ALS2: variants seen among roughly 807,000 people sequenced by gnomAD.
The protein encoded by ALS2 is alsin.
Under a neutral mutation model 203.4 loss-of-function variants are expected in ALS2, and 117 were observed. That is an observed-to-expected ratio of 0.58 (90% CI 0.50 to 0.67). The LOEUF is 0.67. Ranked by LOEUF, ALS2 falls within the 30% of genes least tolerant of loss-of-function variation. The probability of loss-of-function intolerance (pLI) is 0.00; values close to 1 mark genes in which losing one functional copy is unlikely to be tolerated. For synonymous variants in ALS2, 718 were observed against 725.9 expected (o/e 0.99, Z 0.17); for missense variants, 1,715 against 1,989.4 (o/e 0.86, Z 2.62).
intron 8 of ALS2, among the ~76,000 whole-genome samples, chr2:201,747,671 G>A (rs1349755035): frequency 3.9e-5 from 6 of 151,932 alleles, no homozygotes; most frequent in South Asian, 2.1e-4. Flanking sequence ...GGATGGTCTC[G>A]GTCTCCTGAC....
intron 27 of ALS2, among the ~76,000 whole-genome samples, chr2:201,708,877 T>C (rs1020703131): frequency 3.4e-5 from 1 of 29,352 alleles, no homozygotes; most frequent in Non-Finnish European, 9.5e-5. Flanking sequence ...AATTGTATAG[T>C]TGAAAAAAAC....
intron 5 of ALS2, 99 bp from the exon 6 acceptor site, chr2:201,754,770 C>A: frequency 7.6e-7 from 1 of 1,317,102 alleles, no homozygotes; most frequent in South Asian, 1.3e-5. Flanking sequence ...CATACGCCAC[C>A]AATGGTATTT....
intron 10 of ALS2, among the ~76,000 whole-genome samples, chr2:201,744,032 T>C (rs1171099334): frequency 6.6e-6 from 1 of 152,174 alleles, no homozygotes; most frequent in Non-Finnish European, 1.5e-5. Flanking sequence ...TTTCTACTTC[T>C]GGAAGCCGCA....
chr2:201,723,233 C>A, intron 22 of ALS2, 97 bp downstream of exon 22: 1 of 1,391,292 alleles, frequency 7.2e-7, no homozygotes, highest in Non-Finnish European at 1.0e-6. Flanking sequence ...GAAAATAGTA[C>A]TAAGAAGGTG....
chr2:201,757,784 T>C (rs368959375), intron 4 of ALS2, 25 bp from the exon 5 acceptor site: 54 of 1,507,834 alleles, frequency 3.6e-5, no homozygotes, highest in Non-Finnish European at 4.7e-5. Context: ...CATAAAAAAT[T>C]ATATAAAAAT....
At chr2:201,707,822 C>T in intron 28 of ALS2, 47 bp downstream of exon 28, 1 of 1,603,824 alleles carries the variant, frequency 6.2e-7, no homozygotes, top group Non-Finnish European at 8.5e-7. Flanking sequence ...GTAAGATCAT[C>T]TAGTCACCAT....
intron 12 of ALS2, among the ~76,000 whole-genome samples, chr2:201,738,306 T>C: frequency 6.6e-6 from 1 of 152,184 alleles, no homozygotes; most frequent in Non-Finnish European, 1.5e-5. Context: ...GCGCAAACAC[T>C]TTTTTCTGTG....
chr2:201,758,944 TA>T (rs1693582559), intron 4 of ALS2, among the ~76,000 whole-genome samples: 1 of 152,160 alleles, frequency 6.6e-6, no homozygotes. Flanking sequence ...AAATAGTCAA[TA>T]AACAAATATA....
intron 8 of ALS2, among the ~76,000 whole-genome samples, chr2:201,749,421 C>G (rs1168949786): frequency 6.6e-6 from 1 of 151,900 alleles, no homozygotes; most frequent in Non-Finnish European, 1.5e-5. Context: ...CAGCAGAGTC[C>G]TAGAAACATG....
intron 29 of ALS2, 128 bp from the exon 30 acceptor site, chr2:201,705,589 G>A: frequency 4.3e-6 from 3 of 704,110 alleles, no homozygotes; most frequent in Non-Finnish European, 7.4e-6. Context: ...AATAGGTTAA[G>A]TTTTTATAAA....
chr2:201,723,016 G>GAAAAAAAAAAAAAAA, intron 23 of ALS2, 27 bp downstream of exon 23: 1 of 1,499,170 alleles, frequency 6.7e-7, no homozygotes, highest in South Asian at 1.2e-5. Flanking sequence ...TTATTAGGGA[G>GAAAAAAAAAAAAAAA]AAAAAAAAAG....
At position 201,705,423 on chromosome 2, in the gene ALS2, C is replaced by T. The variant is rs749650974; in HGVS notation, c.4619G>A (p.Ser1540Asn). Residue 1540 changes from serine to asparagine, a missense_variant, in exon 30 of 34, where the codon AGT (serine) becomes AAT (asparagine). Ser to Asn is a conservative substitution (Grantham distance 46). This residue lies in a region of ALS2 where 1,227 missense variants were observed against 1,413.5 expected (regional missense o/e 0.87). Transcript: ENST00000264276. ...AAAGAAAATCTACTATACCTTTTTACTCTCTCCAAGGATTGACAAGGTTGC... is the reference window on the plus strand; with the variant it reads ...AAAGAAAATCTACTATACCTTTTTATTCTCTCCAAGGATTGACAAGGTTGC... ...WPATLSILGE[S>N]KKVLPTTKDA... 2 of 1,613,566 alleles carry T rather than the reference C, an allele frequency of 1.2e-6. No individual in the cohort carries two copies. The highest frequency in any genetic ancestry group is 3.3e-5 in the Admixed American group (2 of 60,018).
rs980968700 is a variant in ALS2, at chr2:201,700,662, G to A, written c.*1189C>T. 6.6e-6 allele frequency: 1 copy of A among 152,618 alleles called. No individual in the cohort carries two copies. The allele number at this position is 152,618 out of a possible 1,614,324, so 9.5% of individuals were successfully genotyped here. On this transcript the variant is annotated 3_prime_UTR_variant, in exon 34 of 34. Transcript: ENST00000264276. The stretch of plus-strand genomic sequence containing the variant: ...GATTATAAAGTAGAGCAAAAACCAT[G>A]ATCCTTTTTCAAAAGTAATTAACAT...
In ALS2 at chr2:201,749,751, C is replaced by T. The variant is rs1471811721; in HGVS notation, c.1776G>A (p.Gly592=). 1.2e-6 allele frequency: 2 copies of T among 1,614,000 alleles called. No homozygotes were observed. The highest frequency in any genetic ancestry group is 2.2e-5 in the East Asian group (1 of 44,858). ...GAACTGTTGTTGGAAAATCGGAATG[C>T]CCAAGTTGACCAAAGGTATTGCTAC... The part of the protein sequence containing the change: ...SWGSNTFGQL[G]HSDFPTTVPR... Residue 592 remains glycine (G), a synonymous_variant, in exon 8 of 34, where the codon GGG becomes GGA. Transcript: ENST00000264276.
rs762944618 is a variant in ALS2 at position 201,706,845 on chromosome 2, C to G, written c.4580+1G>C. 6.2e-7 allele frequency: 1 copy of G among 1,613,978 alleles called. No homozygotes were observed. Among genetic ancestry groups the G allele is most frequent in the Non-Finnish European group, 8.5e-7 (1 of 1,179,928 alleles). On this transcript the variant is annotated splice_donor_variant, in intron 29 of 33. Coordinates refer to ENST00000264276, the MANE Select transcript of ALS2 (RefSeq NM_020919.4). LOFTEE classifies it high-confidence loss of function. ...GTTGCGCTTGTAACTACTACACTTA[C>G]CTCTGCACCCCAAGAAAGCCCAGGA... is the stretch of plus-strand genomic sequence containing the variant.
At chr2:201,778,610 C>T (rs1458106688) in intron 1 of ALS2, 1 of 152,138 alleles carries the variant, frequency 6.6e-6, no homozygotes, top group African/African-American at 2.4e-5. Context: ...CTAACATTTT[C>T]TTAAGGACTG....
rs77292123 is a variant in ALS2 at position 201,723,607 on chromosome 2, T to C, written c.3513-166A>G. ...TCTCCTCAAATATGGGACAAAGTGA[T>C]AGCAAAAGACATCTCACTCAGTAAT... On this transcript the variant is annotated intron_variant, in intron 21 of 33. Transcript: ENST00000264276. 0.085 allele frequency among the ~76,000 whole-genome samples: 13,017 copies of C among 152,276 alleles called. 628 individuals are homozygous for C. Among genetic ancestry groups the C allele is most frequent in the Middle Eastern group, 0.12 (35 of 294 alleles).
intron 12 of ALS2, among the ~76,000 whole-genome samples, chr2:201,736,917 T>TA (rs1327411862): frequency 2.0e-5 from 3 of 152,082 alleles, no homozygotes; most frequent in Admixed American, 2.0e-4. Context: ...ATTAAATCAG[T>TA]AAAAACTCCC....
chr2:201,744,635 G>C (rs1465175981), intron 9 of ALS2, among the ~76,000 whole-genome samples: 2 of 151,964 alleles, frequency 1.3e-5, no homozygotes, highest in Non-Finnish European at 2.9e-5. Context: ...TTTTTGGGGG[G>C]GTCGTCGGGG....
Sources: allele counts gnomAD v4.1 joint callset (sites outside exome capture counted in the v4.1 genomes callset), GRCh38; gene constraint gnomAD v4.1.1; regional missense constraint gnomAD v4.1.1; transcripts MANE v1.5; gene names NCBI Gene and HGNC (gene_info 2026-07-23, HGNC 2026-07-21).